The following DNAH10 variants were observed in gnomAD, a reference collection of about 807,000 sequenced individuals.
The protein encoded by DNAH10 is axonemal beta dynein heavy chain 10.
Under a neutral mutation model 506.6 loss-of-function variants are expected in DNAH10, and 348 were observed. The ratio of observed to expected loss-of-function variants is 0.69; its 90% CI spans 0.63 to 0.75. DNAH10 has a LOEUF of 0.75. Among genes scored for constraint, DNAH10 ranks in the 30% least tolerant of loss-of-function variants. DNAH10 has a pLI of 0.00. For synonymous variants in DNAH10, 2,059 were observed against 2,198.6 expected, an observed-to-expected ratio of 0.94 and a Z score of 1.78; for missense variants, 5,179 against 5,787.1, an observed-to-expected ratio of 0.89 and a Z score of 3.41.
At chr12:123,864,829 A>G in intron 40 of DNAH10, 99 bp downstream of exon 40, 1 of 1,393,468 alleles carries the variant, frequency 7.2e-7, no homozygotes, top group Non-Finnish European at 9.6e-7. Flanking sequence ...GATTATTTAA[A>G]AACAAACAAT....
At chr12:123,866,484 C>G (rs958806431) in intron 41 of DNAH10, among the ~76,000 whole-genome samples, 5 of 151,682 alleles carry the variant, frequency 3.3e-5, no homozygotes, top group African/African-American at 1.2e-4. Context: ...AGCTCGTGAT[C>G]TGCCCGCCTC....
intron 34 of DNAH10, among the ~76,000 whole-genome samples, chr12:123,849,193 G>C (rs182820187): frequency 6.6e-5 from 10 of 152,274 alleles, no homozygotes; most frequent in African/African-American, 1.7e-4. Flanking sequence ...TATTCTTGGC[G>C]ACTTCCCAAG....
In DNAH10 at chr12:123,914,504, C is replaced by A. The variant is rs143987578; in HGVS notation, c.10528C>A (p.Pro3510Thr). The change falls in exon 61 of 79, where the codon CCT (proline) becomes ACT (threonine). Residue 3510 changes from proline (P) to threonine (T), a missense_variant. By Grantham distance (38) the Pro-to-Thr change is conservative. Around this residue, in one of 3 missense-constraint regions of DNAH10, gnomAD observed 4,844 missense variants for 5,430.5 expected, o/e 0.89. Coordinates refer to ENST00000673944, the MANE Select transcript of DNAH10 (RefSeq NM_001372106.1). ...ILEREIPLSQ[P>T]FRLESLLTDD... ...GGAGCGGGAGATCCCCCTGAGCCAG[C>A]CTTTCCGGCTGGAAAGCCTGCTCAC... is the stretch of plus-strand genomic sequence containing the variant. 3 of 1,613,702 alleles carry A rather than the reference C, an allele frequency of 1.9e-6. No homozygotes were observed. The highest frequency in any genetic ancestry group is 1.1e-5 in the South Asian group (1 of 91,078).
At chr12:123,831,786 G>C (rs1960582063) in intron 26 of DNAH10, among the ~76,000 whole-genome samples, 2 of 151,764 alleles carry the variant, frequency 1.3e-5, no homozygotes, top group Non-Finnish European at 2.9e-5. Flanking sequence ...GGTGCCTGTA[G>C]TCCCAGCTAC....
chr12:123,813,421 T>G lies in DNAH10; in HGVS notation c.3402T>G (p.Pro1134=). ...IVMEKFAAKK[P]PCVAYDEKLQ... is the part of the protein sequence containing the mutation. Reference sequence around the variant, plus strand: ...TGGAGAAATTTGCTGCCAAGAAACCTCCTTGTGTAGCATATGATGAAAAGT... The same window carrying G: ...TGGAGAAATTTGCTGCCAAGAAACCGCCTTGTGTAGCATATGATGAAAAGT... The change falls in exon 20 of 79, where the codon CCT becomes CCG. Residue 1134 remains proline, a synonymous_variant. Transcript: ENST00000673944. 6.2e-7 allele frequency: 1 copy of G among 1,614,182 alleles called. No individual in the cohort carries two copies. The highest frequency in any genetic ancestry group is 8.5e-7 in the Non-Finnish European group (1 of 1,180,016).
At chr12:123,816,546 A>G (rs1249739604) in intron 21 of DNAH10, among the ~76,000 whole-genome samples, 1 of 152,130 alleles carries the variant, frequency 6.6e-6, no homozygotes, top group Non-Finnish European at 1.5e-5. Context: ...ACCTTAGCTT[A>G]TGCGTCTCTT....
rs573477997 is a variant in DNAH10 at position 123,842,451 on chromosome 12, G to A, written c.5360+906G>A. On this transcript the variant is annotated intron_variant, in intron 30 of 78. Coordinates refer to ENST00000673944, the MANE Select transcript of DNAH10 (RefSeq NM_001372106.1). ...TCTATTAGATTAGACAGGATCCCCC[G>A]TAAAGTTGGAGAATATTTGGCAGGG... Among the ~76,000 whole-genome samples the A allele has an allele frequency of 2.0e-5, 3 of 152,284 alleles. No individual in the cohort carries two copies. In the East Asian group the frequency reaches 5.8e-4, roughly 29 times the overall value.
chr12:123,852,063 C>T (rs149107804), intron 35 of DNAH10, among the ~76,000 whole-genome samples: 1 of 152,246 alleles, frequency 6.6e-6, no homozygotes, highest in African/African-American at 2.4e-5. Flanking sequence ...TGCCACTGCA[C>T]CCAGCCTCAT....
rs1350212556 is a variant in DNAH10 at position 123,918,968 on chromosome 12, G to A, written c.11506+19G>A. On this transcript the variant is annotated intron_variant, in intron 65 of 78. Transcript: ENST00000673944. ...TGCACAGGTGAGCTCTCCCCACAGA[G>A]GAGGACATGTTAGTGTAGTTTGGTG... is the stretch of plus-strand genomic sequence containing the variant. 1 of 1,590,890 alleles carries A rather than the reference G, an allele frequency of 6.3e-7. No individual in the cohort carries two copies. The highest frequency in any genetic ancestry group is 1.3e-5 in the African/African-American group (1 of 74,682).
rs906896135 is a variant in DNAH10, at chr12:123,909,076, C to T, written c.9816-185C>T. Among the ~76,000 whole-genome samples, 3 of 152,182 alleles carry T rather than the reference C, an allele frequency of 2.0e-5. No individual in the cohort carries two copies. Among genetic ancestry groups the T allele is most frequent in the Non-Finnish European group, 4.4e-5 (3 of 68,028 alleles). On this transcript the variant is annotated intron_variant, in intron 57 of 78. Coordinates refer to ENST00000673944, the MANE Select transcript of DNAH10 (RefSeq NM_001372106.1). The surrounding 1 kb of genome is among the most constrained non-coding windows in gnomAD (Gnocchi z 5.4). ...CTGGAACCTGAGAGGGGGACCCGGC[C>T]CTGCCCTTAGGGACGCTCCCGCCCA...
At chr12:123,821,222 C>G (rs1959368656) in intron 24 of DNAH10, among the ~76,000 whole-genome samples, 1 of 151,864 alleles carries the variant, frequency 6.6e-6, no homozygotes, top group Non-Finnish European at 1.5e-5. Flanking sequence ...TGCACTCCAG[C>G]CTGGGCGACA....
In DNAH10 at chr12:123,840,359, C is replaced by A. The variant is rs951657249; in HGVS notation, c.5137-963C>A. ...ATTTTCGACTGCATATTTTTCCTTT[C>A]TCAAAGGGGAGGCTTCTTCAGTATT... On this transcript the variant is annotated intron_variant, in intron 29 of 78. Coordinates refer to ENST00000673944, the MANE Select transcript of DNAH10 (RefSeq NM_001372106.1). Among the ~76,000 whole-genome samples, 32 of 141,640 alleles carry A rather than the reference C, an allele frequency of 2.3e-4. 1 individual carries two copies. The highest frequency in any genetic ancestry group is 9.2e-5 in the Non-Finnish European group (6 of 65,352). 92.9% of individuals were successfully genotyped at this position (141,640 alleles called of 152,430 possible).
At chr12:123,856,876 T>C (rs1207942940) in intron 36 of DNAH10, among the ~76,000 whole-genome samples, 180 bp from the exon 37 acceptor site, 2 of 149,778 alleles carry the variant, frequency 1.3e-5, no homozygotes, top group Non-Finnish European at 3.0e-5. Context: ...TTTAAATTAA[T>C]TTCTGTAATT....
chr12:123,769,967 G>A lies in DNAH10; in HGVS notation c.299-1634G>A, dbSNP rs541264327. 1.1e-4 allele frequency among the ~76,000 whole-genome samples: 16 copies of A among 143,708 alleles called. No individual in the cohort carries two copies. The South Asian group carries it at 3.3e-3, about 30-fold the overall frequency. 94.3% of individuals were successfully genotyped at this position (143,708 alleles called of 152,430 possible). ...CTTAAATTTAATTTTTTGGGCTGTTGTGGTGGCTCACGCCTATAATCCCAG... is the reference window on the plus strand; with the variant it reads ...CTTAAATTTAATTTTTTGGGCTGTTATGGTGGCTCACGCCTATAATCCCAG... On this transcript the variant is annotated intron_variant, in intron 2 of 78. Coordinates refer to ENST00000673944, the MANE Select transcript of DNAH10 (RefSeq NM_001372106.1).
intron 67 of DNAH10, 42 bp downstream of exon 67, chr12:123,924,474 G>A (rs1954852706): frequency 6.3e-7 from 1 of 1,598,464 alleles, no homozygotes; most frequent in South Asian, 1.1e-5. Context: ...TTCCCCACAT[G>A]TCAACAATCT....
intron 41 of DNAH10, among the ~76,000 whole-genome samples, chr12:123,867,236 G>T (rs921507986): frequency 6.6e-6 from 1 of 152,156 alleles, no homozygotes; most frequent in African/African-American, 2.4e-5. Flanking sequence ...CCAAGGGCAT[G>T]GTAGACTCTG....
intron 29 of DNAH10, among the ~76,000 whole-genome samples, chr12:123,840,898 CAGAG>C (rs922295861): frequency 6.6e-6 from 1 of 152,186 alleles, no homozygotes; most frequent in African/African-American, 2.4e-5. Context: ...TTATTCCAGG[CAGAG>C]AGAGGAGGAG....
Position 123,914,363 on chromosome 12 carries a change from C to T in DNAH10, c.10387C>T (p.Arg3463Cys), listed in dbSNP as rs769678271. Reference protein sequence around the residue: ...LNDLDELMHRRVKLLGDCLLC... With the variant: ...LNDLDELMHRCVKLLGDCLLC... ...CGACCTGGATGAGCTGATGCACCGGCGCGTGAAGCTGCTGGGGGACTGCCT... is the reference window on the plus strand; with the variant it reads ...CGACCTGGATGAGCTGATGCACCGGTGCGTGAAGCTGCTGGGGGACTGCCT... Residue 3463 changes from arginine (R) to cysteine (C), a missense_variant, in exon 61 of 79, where the codon CGC (arginine) becomes TGC (cysteine). Coordinates refer to ENST00000673944, the MANE Select transcript of DNAH10 (RefSeq NM_001372106.1). 55 of 1,613,144 alleles carry T rather than the reference C, an allele frequency of 3.4e-5. No homozygotes were observed. The highest frequency in any genetic ancestry group is 1.3e-4 in the African/African-American group (10 of 74,940).
Position 123,928,128 on chromosome 12 carries a change from G to A in DNAH10, c.12106-259G>A, listed in dbSNP as rs939758307. 9 of 570,538 alleles carry A rather than the reference G, an allele frequency of 1.6e-5. No individual in the cohort carries two copies. The highest frequency in any genetic ancestry group is 4.6e-4 in the Middle Eastern group (1 of 2,158). The allele number at this position is 570,538 out of a possible 1,614,324, so 35.3% of individuals were successfully genotyped here. On this transcript the variant is annotated intron_variant, in intron 69 of 78. Transcript: ENST00000673944. This position sits in a 1 kb window ranked among gnomAD's most constrained non-coding sequence, Gnocchi z 4.9. Reference sequence around the variant, plus strand: ...TGTGGGAGGAGCTGGGACTTCCAGGGCCAGGGAGGCAGATGAGTGCAAAAT... The same window carrying A: ...TGTGGGAGGAGCTGGGACTTCCAGGACCAGGGAGGCAGATGAGTGCAAAAT...
Sources: allele counts gnomAD v4.1 joint callset (sites outside exome capture counted in the v4.1 genomes callset), GRCh38; gene constraint gnomAD v4.1.1; regional missense constraint gnomAD v4.1.1; non-coding constraint Gnocchi (gnomAD v3.1); transcripts MANE v1.5; gene names NCBI Gene and HGNC (gene_info 2026-07-23, HGNC 2026-07-21).